The following BAZ1B variants were observed in gnomAD, a reference collection of about 807,000 sequenced individuals.
The protein encoded by BAZ1B is tyrosine-protein kinase BAZ1B.
Under a neutral mutation model 153.8 loss-of-function variants are expected in BAZ1B, and 22 were observed. That is an observed-to-expected ratio of 0.14 (90% CI 0.10 to 0.20). BAZ1B has a LOEUF of 0.20. BAZ1B is among the 10% of genes least tolerant of loss of function. The pLI is 1.00. For synonymous variants in BAZ1B, 676 were observed against 633.4 expected (o/e 1.07, Z -1.01); for missense variants, 1,325 against 1,799.3 (o/e 0.74, Z 4.77).
At chr7:73,462,758 A>G in intron 12 of BAZ1B, 164 bp downstream of exon 12, 1 of 717,926 alleles carries the variant, frequency 1.4e-6, no homozygotes, top group Non-Finnish European at 2.3e-6. Flanking sequence ...CAAGGAAAAA[A>G]TACATATACA....
chr7:73,512,200 C>CTTGTCCAACCT, intron 1 of BAZ1B, among the ~76,000 whole-genome samples: 1 of 152,054 alleles, frequency 6.6e-6, no homozygotes, highest in Non-Finnish European at 1.5e-5. Context: ...GGTTTACAAG[C>CTTGTCCAACCT]TTGTCCAACC....
chr7:73,463,505 A>C (rs1206653324), intron 11 of BAZ1B, among the ~76,000 whole-genome samples: 1 of 151,700 alleles, frequency 6.6e-6, no homozygotes, highest in Admixed American at 6.6e-5. Context: ...TAGGCCTCCC[A>C]AACTGCTAGG....
intron 7 of BAZ1B, among the ~76,000 whole-genome samples, chr7:73,471,141 C>CA (rs1437156043): frequency 1.3e-5 from 2 of 152,154 alleles, no homozygotes; most frequent in African/African-American, 4.8e-5. Context: ...ACAGGATCCT[C>CA]AAAAAGATCA....
rs782165330 is a variant in BAZ1B, at chr7:73,470,331, G to C, written c.2732+14C>G. The C allele has an allele frequency of 6.3e-7, 1 of 1,597,818 alleles. No homozygotes were observed. On this transcript the variant is annotated intron_variant, in intron 8 of 19. Coordinates refer to ENST00000339594, the MANE Select transcript of BAZ1B (RefSeq NM_032408.4). ...TAGTCCTAAAGAAAACAAAAATTTG[G>C]TTTAGGAACTGACCTATTATGGTTT...
chr7:73,450,052 CTTT>C lies in BAZ1B; in HGVS notation c.3581-366_3581-364del, dbSNP rs572469264. Among the ~76,000 whole-genome samples the C allele has an allele frequency of 2.1e-5, 3 of 146,018 alleles. No individual in the cohort carries two copies. Among genetic ancestry groups the C allele is most frequent in the Admixed American group, 1.4e-4 (2 of 14,590 alleles). On this transcript the variant is annotated intron_variant, in intron 14 of 19. Coordinates refer to ENST00000339594, the MANE Select transcript of BAZ1B (RefSeq NM_032408.4). This position sits in a 1 kb window ranked among gnomAD's most constrained non-coding sequence, Gnocchi z 4.1. ...TGCCTGATGAGTGTTCTCTCTCTCT[CTTT>C]TTTTTTTTTGGAGACAGAGTCTTGC...
At chr7:73,519,105 ATG>A (rs1188664107) in intron 1 of BAZ1B, among the ~76,000 whole-genome samples, 4 of 152,202 alleles carry the variant, frequency 2.6e-5, no homozygotes, top group African/African-American at 9.6e-5. Flanking sequence ...TAGTCATTAA[ATG>A]TGTGCATTAC....
At chr7:73,465,414 G>C in intron 11 of BAZ1B, 25 bp downstream of exon 11, 1 of 1,436,998 alleles carries the variant, frequency 7.0e-7, no homozygotes, top group Non-Finnish European at 9.6e-7. Flanking sequence ...AGTAAGATGT[G>C]AGGAGTAAGA....
Position 73,522,247 on chromosome 7 carries a change from T to A in BAZ1B, c.-314A>T. 1 of 378,212 alleles carries A rather than the reference T, an allele frequency of 2.6e-6. No homozygotes were observed. Among genetic ancestry groups the A allele is most frequent in the Non-Finnish European group, 4.7e-6 (1 of 212,986 alleles). The allele number at this position is 378,212 out of a possible 1,614,324, so 23.4% of individuals were successfully genotyped here. On this transcript the variant is annotated 5_prime_UTR_variant, in exon 1 of 20. Transcript: ENST00000339594. ...AGCACCGGAGGAAATTATTGAAAAA[T>A]GGCGGGAGATTCCCCTCCTCCCCCG...
chr7:73,472,456 T>TC (rs1233867638), intron 7 of BAZ1B, among the ~76,000 whole-genome samples: 1 of 151,868 alleles, frequency 6.6e-6, no homozygotes, highest in African/African-American at 2.4e-5. Context: ...CAAGGTTTCT[T>TC]CATGTTGGTC....
intron 13 of BAZ1B, among the ~76,000 whole-genome samples, chr7:73,459,075 C>T (rs1472423615): frequency 7.9e-5 from 12 of 151,828 alleles, no homozygotes; most frequent in African/African-American, 2.2e-4. Flanking sequence ...GGTGAAACCC[C>T]GTCTCTACTA....
At position 73,442,472 on chromosome 7, in the gene BAZ1B, T is replaced by C. The variant is rs1554565339; in HGVS notation, c.4176A>G (p.Lys1392=). The C allele has an allele frequency of 1.2e-6, 2 of 1,614,204 alleles. No homozygotes were observed. The highest frequency in any genetic ancestry group is 1.7e-5 in the Admixed American group (1 of 60,026). ...HPMDFQTVQN[K]CSCGSYRSVQ... The stretch of plus-strand genomic sequence containing the variant: ...CAGAGCGGTAGCTCCCACAGGAACA[T>C]TTGTTCTGCACTGTCTGAAAGTCCA... Residue 1392 remains lysine (K), a synonymous_variant, in exon 19 of 20, where the codon AAA becomes AAG. Coordinates refer to ENST00000339594, the MANE Select transcript of BAZ1B (RefSeq NM_032408.4).
intron 13 of BAZ1B, among the ~76,000 whole-genome samples, chr7:73,459,019 C>T (rs957836656): frequency 6.6e-5 from 10 of 152,140 alleles, no homozygotes; most frequent in Admixed American, 3.9e-4. Flanking sequence ...GAGGCCGAAG[C>T]GGGTAGATCA....
In BAZ1B at chr7:73,477,502, C is replaced by T. The variant is rs548396385; in HGVS notation, c.1959G>A (p.Arg653=). 3 of 1,614,134 alleles carry T rather than the reference C, an allele frequency of 1.9e-6. No individual in the cohort carries two copies. The East Asian group carries it at 6.7e-5, about 36-fold the overall frequency. The change falls in exon 7 of 20, where the codon AGG becomes AGA. Residue 653 remains arginine, a synonymous_variant. Coordinates refer to ENST00000339594, the MANE Select transcript of BAZ1B (RefSeq NM_032408.4). The surrounding 1 kb of genome is among the most constrained non-coding windows in gnomAD (Gnocchi z 5.6). ...GGGTCTGTAAGAGGATGACCAACACCCTGTTAAGGTATAAAAAGCCACCCT... is the reference window on the plus strand; with the variant it reads ...GGGTCTGTAAGAGGATGACCAACACTCTGTTAAGGTATAAAAAGCCACCCT... ...ADKGGFLYLN[R]VLVILLQTLL...
chr7:73,459,441 G>T, intron 13 of BAZ1B, 95 bp downstream of exon 13: 1 of 1,253,368 alleles, frequency 8.0e-7, no homozygotes, highest in Non-Finnish European at 1.1e-6. Flanking sequence ...AGGGCACAGT[G>T]CCTATAGCAG....
In BAZ1B at chr7:73,515,656, G is replaced by A. The variant is rs370705043; in HGVS notation, c.108-4804C>T. On this transcript the variant is annotated intron_variant, in intron 1 of 19. Transcript: ENST00000339594. ...GGACTCAAGTGATCCTCCCACCTCA[G>A]CCTCCCAAGTAATTGGGACCACAGG... is the stretch of plus-strand genomic sequence containing the variant. Among the ~76,000 whole-genome samples the A allele has an allele frequency of 1.1e-4, 16 of 149,024 alleles. No individual in the cohort carries two copies. The South Asian group carries it at 1.9e-3, about 18-fold the overall frequency.
rs1790618303 is a variant in BAZ1B, at chr7:73,512,279, CATT to C, written c.108-1430_108-1428del. On this transcript the variant is annotated intron_variant, in intron 1 of 19. Coordinates refer to ENST00000339594, the MANE Select transcript of BAZ1B (RefSeq NM_032408.4). Reference sequence around the variant, plus strand: ...CACAAGTTCATAAAGTTTCTTAAAACATTATGAGTTTTTTGTGTGATTTTTTTT... The same window carrying C: ...CACAAGTTCATAAAGTTTCTTAAAACATGAGTTTTTTGTGTGATTTTTTTT... 2.6e-5 allele frequency among the ~76,000 whole-genome samples: 4 copies of C among 151,514 alleles called. No individual in the cohort carries two copies. The South Asian group carries it at 8.3e-4, about 31-fold the overall frequency.
intron 1 of BAZ1B, among the ~76,000 whole-genome samples, chr7:73,513,097 G>A (rs1554578804): frequency 6.6e-6 from 1 of 152,132 alleles, no homozygotes. Context: ...AGGACTACAG[G>A]TGCACACCAC....
rs1242281814 is a variant in BAZ1B, at chr7:73,450,922, G to T, written c.3505C>A (p.Leu1169Ile). 6.2e-7 allele frequency: 1 copy of T among 1,614,132 alleles called. No individual in the cohort carries two copies. Among genetic ancestry groups the T allele is most frequent in the East Asian group, 2.2e-5 (1 of 44,886 alleles). The change falls in exon 14 of 20, where the codon CTT (leucine) becomes ATT (isoleucine). Residue 1169 changes from leucine to isoleucine, a missense_variant. Leu to Ile is a conservative substitution (Grantham distance 5). Coordinates refer to ENST00000339594, the MANE Select transcript of BAZ1B (RefSeq NM_032408.4). The surrounding 1 kb of genome is among the most constrained non-coding windows in gnomAD (Gnocchi z 4.1). ...AQTFSRMHVL[L>I]GMLDACIKWD... ...TTGATACAGGCATCAAGCATCCCAA[G>T]CAGCACGTGCATCCTGGAGAAAGTC... is the stretch of plus-strand genomic sequence containing the variant.
intron 4 of BAZ1B, 56 bp from the exon 5 acceptor site, chr7:73,492,977 C>T: frequency 6.6e-7 from 1 of 1,517,154 alleles, no homozygotes; most frequent in Non-Finnish European, 8.9e-7. Flanking sequence ...CCTTTTCATT[C>T]ATTCATTAAC....
Sources: allele counts gnomAD v4.1 joint callset (sites outside exome capture counted in the v4.1 genomes callset), GRCh38; gene constraint gnomAD v4.1.1; non-coding constraint Gnocchi (gnomAD v3.1); transcripts MANE v1.5; gene names NCBI Gene and HGNC (gene_info 2026-07-23, HGNC 2026-07-21).